TRAPPC10: variants seen among roughly 807,000 people sequenced by gnomAD.
The protein encoded by TRAPPC10 is TRAPP 130 kDa subunit.
A neutral mutation model predicts 125.5 loss-of-function variants in TRAPPC10; 23 were observed. The ratio of observed to expected loss-of-function variants is 0.18; its 90% CI spans 0.13 to 0.26. The LOEUF (loss-of-function observed/expected upper bound fraction) is 0.26, where lower values mean the gene tolerates loss of function less well. TRAPPC10 is among the 10% of genes least tolerant of loss of function. The pLI is 1.00. For missense variants in TRAPPC10, 1,123 were observed against 1,308.4 expected, an observed-to-expected ratio of 0.86 and a Z score of 2.19; for synonymous variants, 509 against 518.0, an observed-to-expected ratio of 0.98 and a Z score of 0.24.
rs62227190 is a variant in TRAPPC10 at position 44,086,476 on chromosome 21, A to C, written c.2381-326A>C. On this transcript the variant is annotated intron_variant, in intron 15 of 22. Transcript: ENST00000291574. ...AAGCCTCATTATGTGATTCTCTTCTACTACTAATGGGCAGGCAAATTTTGT... is the reference window on the plus strand; with the variant it reads ...AAGCCTCATTATGTGATTCTCTTCTCCTACTAATGGGCAGGCAAATTTTGT... Among the ~76,000 whole-genome samples, 23 of 152,326 alleles carry C rather than the reference A, an allele frequency of 1.5e-4. No homozygotes were observed. In the East Asian group the frequency reaches 4.2e-3, roughly 28 times the overall value.
chr21:44,035,067 GATGGAGCAGGTAC>G (rs1005989665), intron 2 of TRAPPC10, among the ~76,000 whole-genome samples: 9 of 152,250 alleles, frequency 5.9e-5, no homozygotes, highest in African/African-American at 2.2e-4. Flanking sequence ...GGTTGAGGAG[GATGGAGCAGGTAC>G]TTGGTGTAGT....
At chr21:44,085,020 T>C (rs1006562496) in intron 15 of TRAPPC10, among the ~76,000 whole-genome samples, 2 of 152,182 alleles carry the variant, frequency 1.3e-5, no homozygotes, top group African/African-American at 4.8e-5. Context: ...TGTCCTTTGG[T>C]TTTTATGGAA....
rs750522692 is a variant in TRAPPC10, at chr21:44,074,475, C to A, written c.1185+5C>A. On this transcript the variant is annotated splice_donor_5th_base_variant and intron_variant, in intron 8 of 22. Transcript: ENST00000291574. ...TGGAGCTATGCCACAGAAAAGGTGC[C>A]TACCTGCCCAAGTGTGGAATGCTCA... 3 of 1,614,030 alleles carry A rather than the reference C, an allele frequency of 1.9e-6. No individual in the cohort carries two copies. The highest frequency in any genetic ancestry group is 2.7e-5 in the African/African-American group (2 of 74,930).
chr21:44,086,558 A>G (rs2038149326), intron 15 of TRAPPC10, among the ~76,000 whole-genome samples: 1 of 152,186 alleles, frequency 6.6e-6, no homozygotes, highest in Non-Finnish European at 1.5e-5. Flanking sequence ...CAAGATGGGT[A>G]TAAGACTCCT....
At chr21:44,027,878 C>G (rs552495371) in intron 1 of TRAPPC10, among the ~76,000 whole-genome samples, 1 of 152,146 alleles carries the variant, frequency 6.6e-6, no homozygotes, top group African/African-American at 2.4e-5. Context: ...GCCCCTTCCC[C>G]CACGTGAGGG....
intron 8 of TRAPPC10, among the ~76,000 whole-genome samples, 179 bp from the exon 9 acceptor site, chr21:44,074,860 C>T (rs1211158595): frequency 6.6e-6 from 1 of 152,112 alleles, no homozygotes; most frequent in East Asian, 1.9e-4. Flanking sequence ...TTCCCACCCT[C>T]CAAGCCTCAC....
chr21:44,045,633 C>T (rs1351882745), intron 3 of TRAPPC10, among the ~76,000 whole-genome samples: 1 of 151,920 alleles, frequency 6.6e-6, no homozygotes, highest in East Asian at 1.9e-4. Context: ...CTCACTGCAA[C>T]CTCCGCCTCC....
chr21:44,089,033 C>T (rs2038377682), intron 17 of TRAPPC10: 1 of 194,784 alleles, frequency 5.1e-6, no homozygotes, highest in African/African-American at 2.5e-5. Flanking sequence ...CCCGCTCTTC[C>T]CTGGCGCTGG....
At chr21:44,035,969 A>G (rs2033952685) in intron 2 of TRAPPC10, among the ~76,000 whole-genome samples, 2 of 152,188 alleles carry the variant, frequency 1.3e-5, no homozygotes, top group South Asian at 4.1e-4. Flanking sequence ...ATCATTGCTA[A>G]AAGCAGGAAT....
intron 11 of TRAPPC10, 117 bp downstream of exon 11, chr21:44,077,901 C>A (rs747112109): frequency 3.8e-5 from 25 of 662,112 alleles, no homozygotes; most frequent in Non-Finnish European, 5.6e-5. Flanking sequence ...AGTGTAGATT[C>A]TCTTACCCAG....
chr21:44,022,952 T>C (rs1205586460), intron 1 of TRAPPC10, among the ~76,000 whole-genome samples: 1 of 151,726 alleles, frequency 6.6e-6, no homozygotes, highest in East Asian at 1.9e-4. Flanking sequence ...CTTTTGGAAA[T>C]TGGCAGCCAT....
intron 11 of TRAPPC10, 95 bp from the exon 12 acceptor site, chr21:44,079,469 G>T (rs2146072908): frequency 7.0e-7 from 1 of 1,419,114 alleles, no homozygotes; most frequent in Non-Finnish European, 9.5e-7. Flanking sequence ...CTGGCATGGG[G>T]TCTGGAGGAT....
chr21:44,084,294 G>T (rs542556213), intron 15 of TRAPPC10, 31 bp downstream of exon 15: 4 of 1,606,728 alleles, frequency 2.5e-6, no homozygotes, highest in South Asian at 1.1e-5. Context: ...TTGAGGAGGC[G>T]TGCTGCTGGG....
At chr21:44,044,310 A>G (rs1285841241) in intron 3 of TRAPPC10, among the ~76,000 whole-genome samples, 1 of 135,242 alleles carries the variant, frequency 7.4e-6, no homozygotes, top group Non-Finnish European at 1.5e-5. Flanking sequence ...ATTACATTCT[A>G]ATAGCCTTTT....
At chr21:44,081,017 C>CTTTTTTTTTTTTTTTTTT (rs67865929) in intron 13 of TRAPPC10, among the ~76,000 whole-genome samples, 15 of 97,226 alleles carry the variant, frequency 1.5e-4, no homozygotes, top group Middle Eastern at 7.7e-3. Context: ...TTTTTTTTTT[C>CTTTTTTTTTTTTTTTTTT]TTTTTTTTTT....
Position 44,086,912 on chromosome 21 carries a change from A to C in TRAPPC10, c.2491A>C (p.Ile831Leu). 1 of 1,614,226 alleles carries C rather than the reference A, an allele frequency of 6.2e-7. No individual in the cohort carries two copies. Among genetic ancestry groups the C allele is most frequent in the Non-Finnish European group, 8.5e-7 (1 of 1,180,032 alleles). Residue 831 changes from isoleucine (I) to leucine (L), a missense_variant, in exon 16 of 23, where the codon ATC becomes CTC. By Grantham distance (5) the Ile-to-Leu change is conservative (BLOSUM62 2). Transcript: ENST00000291574. ...LQLSNAEAML[I>L]LCQAESRAVV... ...GCTTAGCAATGCCGAAGCCATGCTC[A>C]TCCTGTGCCAGGCGGAGAGCAGGGC... is the stretch of plus-strand genomic sequence containing the variant.
chr21:44,039,361 C>G (rs779248838), intron 3 of TRAPPC10, among the ~76,000 whole-genome samples: 1 of 152,248 alleles, frequency 6.6e-6, no homozygotes, highest in Non-Finnish European at 1.5e-5. Flanking sequence ...AGAGTCACTT[C>G]AGACTGGCAC....
intron 18 of TRAPPC10, chr21:44,091,649 A>G (rs941224191): frequency 2.1e-5 from 6 of 291,560 alleles, no homozygotes; most frequent in Non-Finnish European, 4.0e-5. Flanking sequence ...CATGTTGGCC[A>G]GGATGGTCTC....
intron 1 of TRAPPC10, among the ~76,000 whole-genome samples, chr21:44,021,790 A>G (rs1047845324): frequency 1.3e-5 from 2 of 152,118 alleles, no homozygotes; most frequent in African/African-American, 4.8e-5. Flanking sequence ...GAGTGAGAGG[A>G]CACCTCCCCC....
Sources: gnomAD v4.1 joint callset for allele counts (sites outside exome capture counted in the v4.1 genomes callset) on GRCh38, gnomAD v4.1.1 for gene constraint, MANE v1.5 for transcripts, NCBI Gene and HGNC (gene_info 2026-07-23, HGNC 2026-07-21) for gene names.